The following CAPRIN2 variants were observed in gnomAD, a reference collection of about 807,000 sequenced individuals.
CAPRIN2 encodes the protein caprin family member 2.
A neutral mutation model predicts 130.4 loss-of-function variants in CAPRIN2; 66 were observed. The ratio of observed to expected loss-of-function variants is 0.51; its 90% CI spans 0.42 to 0.62. The LOEUF is 0.62. Among genes scored for constraint, CAPRIN2 ranks in the 20% least tolerant of loss-of-function variants. The probability of loss-of-function intolerance (pLI) is 0.00; values close to 1 mark genes in which losing one functional copy is unlikely to be tolerated. For synonymous variants in CAPRIN2, 471 were observed against 444.1 expected, an observed-to-expected ratio of 1.06 and a Z score of -0.76; for missense variants, 1,185 against 1,246.6, an observed-to-expected ratio of 0.95 and a Z score of 0.74.
At chr12:30,735,026 G>C in exon 4 of CAPRIN2, 2 of 1,614,086 alleles carry the variant, frequency 1.2e-6, no homozygotes, top group South Asian at 1.1e-5. Context: ...AGGTAGTCAA[G>C]TTCTTTTGAA....
chr12:30,712,092 A>C (rs1231580347), intron 15 of CAPRIN2, among the ~76,000 whole-genome samples: 1 of 152,146 alleles, frequency 6.6e-6, no homozygotes, highest in Non-Finnish European at 1.5e-5. Context: ...AAATTGATAA[A>C]AAATTATATT....
intron 13 of CAPRIN2, chr12:30,715,344 A>T (rs1453100859): frequency 6.2e-6 from 4 of 642,174 alleles, no homozygotes; most frequent in Non-Finnish European, 1.1e-5. Context: ...AGCCTAAAAA[A>T]GGAAGAAAAT....
intron 1 of CAPRIN2, among the ~76,000 whole-genome samples, 194 bp downstream of exon 2, chr12:30,753,150 T>A (rs373645582): frequency 3.6e-4 from 55 of 152,338 alleles, no homozygotes; most frequent in African/African-American, 1.3e-3. Context: ...ATGAAGAATA[T>A]TTTTATTCCG....
chr12:30,719,459 C>A (rs2058697156), intron 12 of CAPRIN2: 3 of 474,032 alleles, frequency 6.3e-6, no homozygotes, highest in Non-Finnish European at 1.1e-5. Flanking sequence ...AATAATCAGT[C>A]TAACAGATGA....
chr12:30,711,811 G>T, intron 15 of CAPRIN2, 182 bp from the exon 18 acceptor site: 1 of 694,432 alleles, frequency 1.4e-6, no homozygotes, highest in Non-Finnish European at 2.6e-6. Context: ...GGGCAACAGT[G>T]GCATTACTTG....
intron 2 of CAPRIN2, among the ~76,000 whole-genome samples, chr12:30,749,801 C>G (rs1027712053): frequency 6.6e-6 from 1 of 152,098 alleles, no homozygotes; most frequent in African/African-American, 2.4e-5. Flanking sequence ...GAGTATTACT[C>G]CAGATATCAA....
chr12:30,753,810 T>C (rs2075137577), exon 1 of CAPRIN2: 2 of 1,520,872 alleles, frequency 1.3e-6, no homozygotes, highest in South Asian at 1.3e-5. Flanking sequence ...GGATAGCCTT[T>C]ACATAGGCAA....
chr12:30,750,559 T>A (rs998402543), intron 2 of CAPRIN2, among the ~76,000 whole-genome samples: 2 of 151,744 alleles, frequency 1.3e-5, no homozygotes, highest in Non-Finnish European at 2.9e-5. Context: ...AAAGGCCAGA[T>A]ATCTATCAGA....
intron 9 of CAPRIN2, among the ~76,000 whole-genome samples, chr12:30,725,126 C>A (rs915552783): frequency 6.6e-6 from 1 of 152,150 alleles, no homozygotes; most frequent in Non-Finnish European, 1.5e-5. Flanking sequence ...TTTATTACAC[C>A]CAACCAAAGA....
intron 8 of CAPRIN2, 161 bp downstream of exon 9, chr12:30,728,487 G>T: frequency 1.7e-6 from 1 of 589,028 alleles, no homozygotes; most frequent in Non-Finnish European, 2.9e-6. Context: ...TCCAGGAGGC[G>T]GAGGTTACAG....
intron 9 of CAPRIN2, 140 bp from the exon 11 acceptor site, chr12:30,724,591 T>C (rs1350843014): frequency 2.8e-5 from 17 of 598,254 alleles, no homozygotes; most frequent in Non-Finnish European, 4.4e-5. Context: ...ATCTAGCTAA[T>C]CACTGTCTCA....
chr12:30,721,509 A>G (rs2059395571), intron 11 of CAPRIN2, among the ~76,000 whole-genome samples: 1 of 152,258 alleles, frequency 6.6e-6, no homozygotes, highest in South Asian at 2.1e-4. Flanking sequence ...ATTGGGAGAA[A>G]GCACATTAGG....
exon 1 of CAPRIN2, chr12:30,753,807 C>G: frequency 6.6e-7 from 1 of 1,525,014 alleles, no homozygotes; most frequent in South Asian, 1.3e-5. Context: ...TAAGGATAGC[C>G]TTTACATAGG....
At chr12:30,731,309 A>G in intron 6 of CAPRIN2, 34 bp downstream of exon 7, 2 of 1,579,174 alleles carry the variant, frequency 1.3e-6, no homozygotes, top group Non-Finnish European at 1.7e-6. Context: ...AAAAAATGCA[A>G]CCACTATAAG....
intron 12 of CAPRIN2, among the ~76,000 whole-genome samples, chr12:30,717,248 A>G (rs907959421): frequency 2.0e-5 from 3 of 152,270 alleles, no homozygotes; most frequent in African/African-American, 7.2e-5. Context: ...TTATTCAGCC[A>G]TACAAAAATG....
At chr12:30,713,993 C>T in intron 14 of CAPRIN2, 108 bp from the exon 17 acceptor site, 2 of 577,360 alleles carry the variant, frequency 3.5e-6, no homozygotes, top group South Asian at 5.6e-5. Flanking sequence ...ATAATGCCAT[C>T]ATTAGACTTA....
chr12:30,720,779 T>G, intron 12 of CAPRIN2, 32 bp downstream of exon 13: 1 of 1,278,150 alleles, frequency 7.8e-7, no homozygotes, highest in Non-Finnish European at 1.1e-6. Flanking sequence ...TTCTTTAAGA[T>G]ACAAAAGAAA....
At chr12:30,716,485 A>G in intron 13 of CAPRIN2, 23 bp downstream of exon 15, 1 of 1,609,094 alleles carries the variant, frequency 6.2e-7, no homozygotes, top group Non-Finnish European at 8.5e-7. Context: ...AAGTCTTCCA[A>G]ATATCATATG....
At chr12:30,753,127 G>A (rs1040296835) in intron 1 of CAPRIN2, among the ~76,000 whole-genome samples, 7 of 152,242 alleles carry the variant, frequency 4.6e-5, no homozygotes, top group African/African-American at 1.7e-4. Context: ...ACAGCAGCAT[G>A]CATAATGTAA....
Sources: allele counts gnomAD v4.1 joint callset (sites outside exome capture counted in the v4.1 genomes callset), GRCh38; gene constraint gnomAD v4.1.1; transcripts MANE v1.5; gene names NCBI Gene and HGNC (gene_info 2026-07-23, HGNC 2026-07-21).